The following VSNL1 variants were observed in gnomAD, a reference collection of about 807,000 sequenced individuals.
The protein encoded by VSNL1 is visinin-like protein 1.
VSNL1 carries 6 observed loss-of-function variants against 20.4 expected under a neutral mutation model. That is an observed-to-expected ratio of 0.29 (90% CI 0.16 to 0.58). The LOEUF (loss-of-function observed/expected upper bound fraction) is 0.58. VSNL1 is among the 20% of genes least tolerant of loss of function. VSNL1 has a pLI of 0.90. For synonymous variants in VSNL1, 93 were observed against 86.4 expected, an observed-to-expected ratio of 1.08 and a Z score of -0.42; for missense variants, 100 against 234.5, an observed-to-expected ratio of 0.43 and a Z score of 3.75.
chr2:17,624,928 G>T (rs996643916), intron 2 of VSNL1, among the ~76,000 whole-genome samples: 1 of 152,150 alleles, frequency 6.6e-6, no homozygotes, highest in Non-Finnish European at 1.5e-5. Flanking sequence ...CTACTATGGG[G>T]CTCGATATGG....
At chr2:17,624,996 G>A (rs1304490790) in intron 2 of VSNL1, among the ~76,000 whole-genome samples, 1 of 152,150 alleles carries the variant, frequency 6.6e-6, no homozygotes, top group Non-Finnish European at 1.5e-5. Flanking sequence ...TAATTCCCAC[G>A]TGTTTTGGGG....
At chr2:17,568,201 T>A (rs1318499941) in intron 1 of VSNL1, among the ~76,000 whole-genome samples, 1 of 152,232 alleles carries the variant, frequency 6.6e-6, no homozygotes, top group East Asian at 1.9e-4. Context: ...CTAGAAGTTA[T>A]AATTACCACT....
chr2:17,593,217 G>A (rs1442599000), intron 2 of VSNL1, among the ~76,000 whole-genome samples: 3 of 152,120 alleles, frequency 2.0e-5, no homozygotes, highest in Non-Finnish European at 4.4e-5. Flanking sequence ...TGTACAAGAA[G>A]GGGCATGTGT....
intron 2 of VSNL1, among the ~76,000 whole-genome samples, chr2:17,636,995 G>C (rs1204484916): frequency 6.6e-6 from 1 of 152,214 alleles, no homozygotes; most frequent in African/African-American, 2.4e-5. Flanking sequence ...ATTGAGAGGA[G>C]AAATGATTCC....
chr2:17,642,377 T>C (rs1458551294), intron 2 of VSNL1, among the ~76,000 whole-genome samples: 1 of 144,074 alleles, frequency 6.9e-6, no homozygotes, highest in African/African-American at 2.5e-5. Flanking sequence ...GGCGCTATCT[T>C]GGCTCACTGC....
In VSNL1 at chr2:17,582,468, G is replaced by T. The variant is rs185287524; in HGVS notation, c.-5-9602G>T. On this transcript the variant is annotated intron_variant, in intron 1 of 3. Transcript: ENST00000295156. ...TGGAGAAGCAAGTTAGGAAGCTATT[G>T]TACTACTCAAAGTGATAGGATAATG... Among the ~76,000 whole-genome samples, 372 of 152,270 alleles carry T rather than the reference G, an allele frequency of 2.4e-3. 1 individual carries two copies. The highest frequency in any genetic ancestry group is 2.8e-3 in the Non-Finnish European group (188 of 68,026).
intron 2 of VSNL1, among the ~76,000 whole-genome samples, chr2:17,596,331 C>T (rs1292809101): frequency 6.6e-6 from 1 of 152,190 alleles, no homozygotes; most frequent in Non-Finnish European, 1.5e-5. Flanking sequence ...AATTTTGTCA[C>T]CAAGAACCAA....
rs1665679510 is a variant in VSNL1, at chr2:17,633,346, TA to T, written c.163-16063del. ...CATATCACCCCATCTTTACTAAAAA[TA>T]CAAAAAAAAAAAAAAAAAAAAAAAA... On this transcript the variant is annotated intron_variant, in intron 2 of 3. Coordinates refer to ENST00000295156, the MANE Select transcript of VSNL1 (RefSeq NM_003385.5). 3.8e-4 allele frequency among the ~76,000 whole-genome samples: 7 copies of T among 18,294 alleles called. No homozygotes were observed. The East Asian group carries it at 0.01, about 27-fold the overall frequency. 12.0% of individuals were successfully genotyped at this position (18,294 alleles called of 152,430 possible).
At chr2:17,562,734 C>G (rs1183802405) in intron 1 of VSNL1, among the ~76,000 whole-genome samples, 1 of 152,184 alleles carries the variant, frequency 6.6e-6, no homozygotes, top group African/African-American at 2.4e-5. Context: ...ACCAGCAGAT[C>G]TCTAGGGATT....
chr2:17,650,670 C>T (rs1383585289), intron 3 of VSNL1, among the ~76,000 whole-genome samples: 1 of 152,196 alleles, frequency 6.6e-6, no homozygotes, highest in South Asian at 2.1e-4. Context: ...TGGATCCCCA[C>T]AAGAAAATGG....
At chr2:17,611,944 T>C (rs2103394055) in intron 2 of VSNL1, among the ~76,000 whole-genome samples, 1 of 152,340 alleles carries the variant, frequency 6.6e-6, no homozygotes, top group Middle Eastern at 3.4e-3. Flanking sequence ...CAGGGGACTT[T>C]CTTTATGTTC....
chr2:17,552,581 CCTCT>C (rs1389207634), intron 1 of VSNL1, among the ~76,000 whole-genome samples: 3 of 152,140 alleles, frequency 2.0e-5, no homozygotes, highest in Admixed American at 6.5e-5. Flanking sequence ...CCCCATCCTT[CCTCT>C]CTCTAATGGG....
At chr2:17,593,103 T>C (rs1572352975) in intron 2 of VSNL1, among the ~76,000 whole-genome samples, 1 of 152,234 alleles carries the variant, frequency 6.6e-6, no homozygotes, top group African/African-American at 2.4e-5. Flanking sequence ...CCCAGATGTA[T>C]ATATGTGTAT....
intron 2 of VSNL1, among the ~76,000 whole-genome samples, chr2:17,647,654 A>G (rs1241619516): frequency 6.6e-6 from 1 of 152,174 alleles, no homozygotes; most frequent in Non-Finnish European, 1.5e-5. Context: ...TTCAAAGAAG[A>G]AGGAAAGTCC....
intron 1 of VSNL1, chr2:17,541,530 GA>G (rs150206839): frequency 0.029 from 4,457 of 152,280 alleles, 64 homozygotes; most frequent in Middle Eastern, 0.054. Flanking sequence ...TGAATGGGCA[GA>G]AAAGGGAAAG....
chr2:17,570,957 C>T (rs62131535), intron 1 of VSNL1, among the ~76,000 whole-genome samples: 5,013 of 151,886 alleles, frequency 0.033, 87 homozygotes, highest in East Asian at 0.097. Flanking sequence ...ACCCAGGAGG[C>T]GAAGATTGCA....
At chr2:17,541,047 C>G (rs1663274285) in intron 1 of VSNL1, 129 bp downstream of exon 1, 1 of 142,358 alleles carries the variant, frequency 7.0e-6, no homozygotes, top group Non-Finnish European at 1.5e-5. Context: ...GGACAATTTC[C>G]TTGCTTAATG....
At chr2:17,591,929 A>T in intron 1 of VSNL1, 141 bp from the exon 2 acceptor site, 1 of 780,116 alleles carries the variant, frequency 1.3e-6, no homozygotes, top group Non-Finnish European at 2.0e-6. Flanking sequence ...AAGTAGAAGG[A>T]GGCAGACTTG....
intron 2 of VSNL1, among the ~76,000 whole-genome samples, chr2:17,621,003 G>T (rs1665342004): frequency 6.6e-6 from 1 of 152,156 alleles, no homozygotes; most frequent in Non-Finnish European, 1.5e-5. Context: ...GTAGAATAAA[G>T]CAAGTTAATA....
Sources: allele counts gnomAD v4.1 joint callset (sites outside exome capture counted in the v4.1 genomes callset), GRCh38; gene constraint gnomAD v4.1.1; transcripts MANE v1.5; gene names NCBI Gene and HGNC (gene_info 2026-07-23, HGNC 2026-07-21).